GRID1: variants seen among roughly 807,000 people sequenced by gnomAD.
GRID1 encodes the protein glutamate receptor ionotropic, delta-1.
A neutral mutation model predicts 98.0 loss-of-function variants in GRID1; 28 were observed. The ratio of observed to expected loss-of-function variants is 0.29; its 90% CI spans 0.21 to 0.39. The LOEUF (loss-of-function observed/expected upper bound fraction) is 0.39. GRID1 is among the 10% of genes least tolerant of loss of function. The pLI is 1.00. For synonymous variants in GRID1, 553 were observed against 538.5 expected (o/e 1.03, Z -0.37); for missense variants, 1,111 against 1,340.5 (o/e 0.83, Z 2.67).
chr10:85,765,871 T>C (rs1341621263), intron 8 of GRID1, among the ~76,000 whole-genome samples: 2 of 152,216 alleles, frequency 1.3e-5, no homozygotes, highest in African/African-American at 4.8e-5. Flanking sequence ...TGTCAGAAAT[T>C]TTAGGAAGCT....
intron 2 of GRID1, among the ~76,000 whole-genome samples, chr10:86,276,291 A>G (rs1564726487): frequency 1.3e-5 from 2 of 152,054 alleles, no homozygotes; most frequent in African/African-American, 2.4e-5. Context: ...CCCTCTATAT[A>G]TGTTTATCTC....
chr10:86,066,651 GT>G (rs1393963746), intron 4 of GRID1, among the ~76,000 whole-genome samples: 1 of 152,200 alleles, frequency 6.6e-6, no homozygotes, highest in Admixed American at 6.5e-5. Context: ...TCTTGCAGGT[GT>G]GATGTGATAT....
chr10:85,808,020 GA>G (rs1370892385), intron 8 of GRID1, among the ~76,000 whole-genome samples: 2 of 151,970 alleles, frequency 1.3e-5, no homozygotes, highest in African/African-American at 2.4e-5. Context: ...TATTTAAACT[GA>G]ACAACACTTC....
At chr10:85,808,431 T>A (rs1291670900) in intron 8 of GRID1, among the ~76,000 whole-genome samples, 1 of 152,218 alleles carries the variant, frequency 6.6e-6, no homozygotes, top group Non-Finnish European at 1.5e-5. Flanking sequence ...ATGACTCCTA[T>A]GACACGTAAC....
chr10:86,349,406 C>A (rs1589458174), intron 2 of GRID1, among the ~76,000 whole-genome samples: 1 of 152,218 alleles, frequency 6.6e-6, no homozygotes, highest in Non-Finnish European at 1.5e-5. Context: ...CCCCAACTAC[C>A]CTCTCCCGCC....
At chr10:86,161,687 T>C (rs1245130685) in intron 3 of GRID1, among the ~76,000 whole-genome samples, 1 of 152,152 alleles carries the variant, frequency 6.6e-6, no homozygotes, top group Non-Finnish European at 1.5e-5. Flanking sequence ...CTCAGCCACA[T>C]CACCCTGGTT....
intron 2 of GRID1, among the ~76,000 whole-genome samples, chr10:86,294,267 G>A (rs1029019046): frequency 2.0e-5 from 3 of 152,214 alleles, no homozygotes; most frequent in Non-Finnish European, 4.4e-5. Context: ...CCTGAGGCCT[G>A]GGGGAGCAGA....
At chr10:85,988,151 C>A (rs1490403450) in intron 4 of GRID1, among the ~76,000 whole-genome samples, 1 of 152,170 alleles carries the variant, frequency 6.6e-6, no homozygotes, top group Non-Finnish European at 1.5e-5. Context: ...TGACTTCCAC[C>A]TCCTGCTGGA....
chr10:85,809,474 T>A (rs1011185589), intron 8 of GRID1, among the ~76,000 whole-genome samples: 3 of 151,618 alleles, frequency 2.0e-5, no homozygotes, highest in African/African-American at 7.3e-5. Flanking sequence ...ACAGAGAAAA[T>A]TTTAAAAGCA....
At chr10:85,726,469 G>A (rs768101766) in intron 10 of GRID1, among the ~76,000 whole-genome samples, 15 of 151,828 alleles carry the variant, frequency 9.9e-5, no homozygotes, top group Non-Finnish European at 1.5e-4. Context: ...CTGGATTTCA[G>A]AGTGAAGAGG....
chr10:85,826,272 T>C (rs887181049), intron 8 of GRID1, among the ~76,000 whole-genome samples: 36 of 152,118 alleles, frequency 2.4e-4, no homozygotes, highest in African/African-American at 8.7e-4. Context: ...GAGGCGAAGG[T>C]TGCGGTGAGC....
chr10:86,206,691 C>A lies in GRID1; in HGVS notation c.236-43G>T, dbSNP rs370683980. On this transcript the variant is annotated intron_variant, in intron 2 of 15. Transcript: ENST00000327946. This position sits in a 1 kb window ranked among gnomAD's most constrained non-coding sequence, Gnocchi z 4.1. The stretch of plus-strand genomic sequence containing the variant: ...AGAGAGGAAGGGGTCAGCATCAGGG[C>A]GATGCTGCACCAGCTTCAACCTGCA... 6.5e-7 allele frequency: 1 copy of A among 1,549,170 alleles called. No homozygotes were observed. The highest frequency in any genetic ancestry group is 8.8e-7 in the Non-Finnish European group (1 of 1,133,574).
chr10:85,718,916 C>A (rs1273261339), intron 12 of GRID1, among the ~76,000 whole-genome samples: 1 of 152,200 alleles, frequency 6.6e-6, no homozygotes. Flanking sequence ...TGTCAGGCAG[C>A]AAATTTTCTG....
chr10:85,714,951 A>C (rs1231230875), intron 12 of GRID1, among the ~76,000 whole-genome samples: 7 of 152,168 alleles, frequency 4.6e-5, no homozygotes, highest in Non-Finnish European at 1.5e-5. Context: ...TAAACAAGAG[A>C]AGCAAATCTG....
At chr10:86,069,769 G>T (rs1055952068) in intron 4 of GRID1, among the ~76,000 whole-genome samples, 2 of 152,218 alleles carry the variant, frequency 1.3e-5, no homozygotes, top group Non-Finnish European at 2.9e-5. Flanking sequence ...GAAGTTACAA[G>T]GCAAGCTAGT....
At chr10:86,321,112 GA>G (rs2132095263) in intron 2 of GRID1, among the ~76,000 whole-genome samples, 1 of 75,726 alleles carries the variant, frequency 1.3e-5, no homozygotes, top group Admixed American at 1.4e-4. Flanking sequence ...AAAAAAAAAA[GA>G]AAAAAAGCAA....
At chr10:86,046,807 A>C (rs9421508) in intron 4 of GRID1, among the ~76,000 whole-genome samples, 13,239 of 150,530 alleles carry the variant, frequency 0.088, 627 homozygotes, top group Non-Finnish European at 0.11. Flanking sequence ...ATCTCTTTAC[A>C]TCTGTAAGTG....
chr10:85,619,164 G>T (rs765423584), intron 14 of GRID1, among the ~76,000 whole-genome samples: 54 of 152,280 alleles, frequency 3.5e-4, no homozygotes, highest in African/African-American at 1.3e-3. Flanking sequence ...ACACCTTGGC[G>T]ACAGGAGCCC....
intron 2 of GRID1, among the ~76,000 whole-genome samples, chr10:86,323,210 G>A (rs547007220): frequency 1.1e-4 from 16 of 152,326 alleles, no homozygotes; most frequent in Non-Finnish European, 1.9e-4. Flanking sequence ...GCAACTTCTC[G>A]AGAGCCGGGG....
Sources: gnomAD v4.1 joint callset for allele counts (sites outside exome capture counted in the v4.1 genomes callset) on GRCh38, gnomAD v4.1.1 for gene constraint, Gnocchi (gnomAD v3.1) non-coding constraint, MANE v1.5 for transcripts, NCBI Gene and HGNC (gene_info 2026-07-23, HGNC 2026-07-21) for gene names.